Variants in FHIT observed in about 807,000 individuals in gnomAD.
The protein encoded by FHIT is fragile histidine triad diadenosine triphosphatase.
FHIT carries 19 observed loss-of-function variants against 17.9 expected under a neutral mutation model. That is an observed-to-expected ratio of 1.06 (90% CI 0.74 to 1.56). The LOEUF is 1.56. Among genes scored for constraint, FHIT ranks in the 40% most tolerant of loss-of-function variants. FHIT has a pLI of 0.00. For missense variants in FHIT, 248 were observed against 189.2 expected (o/e 1.31, Z -1.82); for synonymous variants, 81 against 69.7 (o/e 1.16, Z -0.81).
At position 60,870,358 on chromosome 3, in the gene FHIT, AC is replaced by A. The variant is rs564215591; in HGVS notation, c.-110-48348del. 7.9e-5 allele frequency among the ~76,000 whole-genome samples: 12 copies of A among 152,278 alleles called. No homozygotes were observed. The South Asian group carries it at 2.5e-3, about 32-fold the overall frequency. On this transcript the variant is annotated intron_variant, in intron 3 of 9. Coordinates refer to ENST00000492590, the MANE Select transcript of FHIT (RefSeq NM_002012.4). ...AAAGTGGTCAGTTGTAGAAAAATAT[AC>A]AAAGAAAAGCTACAAAGAGATGTTG...
chr3:61,103,001 C>T (rs992594981), intron 2 of FHIT, among the ~76,000 whole-genome samples: 1 of 152,104 alleles, frequency 6.6e-6, no homozygotes, highest in Non-Finnish European at 1.5e-5. Context: ...TTTCAAAAAA[C>T]CAGCTCCTGG....
chr3:60,580,626 T>A (rs540688925), intron 4 of FHIT, among the ~76,000 whole-genome samples: 3 of 152,018 alleles, frequency 2.0e-5, no homozygotes, highest in Non-Finnish European at 4.4e-5. Flanking sequence ...GAAGGCAATA[T>A]AAAATAATGT....
At chr3:61,149,399 G>C (rs1187188636) in intron 2 of FHIT, among the ~76,000 whole-genome samples, 1 of 151,494 alleles carries the variant, frequency 6.6e-6, no homozygotes, top group Non-Finnish European at 1.5e-5. Context: ...TTAAATAAAA[G>C]TAATAAATAA....
chr3:59,760,570 A>G (rs1284927849), intron 8 of FHIT, among the ~76,000 whole-genome samples: 4 of 151,106 alleles, frequency 2.6e-5, no homozygotes, highest in Admixed American at 1.3e-4. Context: ...AAAAAAAAAA[A>G]AAAAATCACT....
chr3:60,423,535 T>C (rs1240617891), intron 5 of FHIT, among the ~76,000 whole-genome samples: 1 of 152,168 alleles, frequency 6.6e-6, no homozygotes, highest in Non-Finnish European at 1.5e-5. Context: ...ATAGAGATGA[T>C]GTGTTTAAAG....
At chr3:60,640,950 C>T (rs569860206) in intron 4 of FHIT, among the ~76,000 whole-genome samples, 7 of 152,230 alleles carry the variant, frequency 4.6e-5, no homozygotes, top group African/African-American at 1.4e-4. Flanking sequence ...GTGGCTGAGG[C>T]AGGAGGATCA....
At chr3:59,941,330 C>A (rs950631022) in intron 7 of FHIT, among the ~76,000 whole-genome samples, 1 of 152,144 alleles carries the variant, frequency 6.6e-6, no homozygotes, top group Non-Finnish European at 1.5e-5. Flanking sequence ...CAATGCAGGT[C>A]CAGCCAAAGT....
intron 2 of FHIT, among the ~76,000 whole-genome samples, chr3:61,171,446 T>G (rs78942049): frequency 0.077 from 11,705 of 152,278 alleles, 1,188 homozygotes; most frequent in East Asian, 0.43. Flanking sequence ...AGAAGCTCTT[T>G]CATTATCTCT....
At chr3:61,186,134 G>T (rs2038501382) in intron 2 of FHIT, among the ~76,000 whole-genome samples, 1 of 152,156 alleles carries the variant, frequency 6.6e-6, no homozygotes, top group African/African-American at 2.4e-5. Context: ...CCTGTAGCGG[G>T]TATAAGTACT....
intron 4 of FHIT, among the ~76,000 whole-genome samples, chr3:60,710,323 T>C (rs1203500935): frequency 6.6e-6 from 1 of 152,236 alleles, no homozygotes; most frequent in Non-Finnish European, 1.5e-5. Context: ...AGCTCCGGTC[T>C]ACAGCTCCCA....
intron 5 of FHIT, among the ~76,000 whole-genome samples, chr3:60,100,866 T>G (rs1402200907): frequency 2.6e-5 from 4 of 152,218 alleles, no homozygotes; most frequent in African/African-American, 9.6e-5. Flanking sequence ...GTTCTCTTGT[T>G]ACTGCATGTG....
rs993575153 is a variant in FHIT, at chr3:61,033,043, G to C, written c.-111+9004C>G. Among the ~76,000 whole-genome samples, 8 of 152,208 alleles carry C rather than the reference G, an allele frequency of 5.3e-5. 1 individual carries two copies. The highest frequency in any genetic ancestry group is 2.4e-5 in the African/African-American group (1 of 41,458). ...TGAATTTGCCATTTCTGCACGTTTT[G>C]TTCTATTCACGTCCTCAAGAGATTG... On this transcript the variant is annotated intron_variant, in intron 3 of 9. Transcript: ENST00000492590.
intron 5 of FHIT, among the ~76,000 whole-genome samples, chr3:60,087,938 T>C (rs1703566463): frequency 6.6e-6 from 1 of 152,174 alleles, no homozygotes; most frequent in South Asian, 2.1e-4. Flanking sequence ...TACAAAGGTG[T>C]CACTGAGGCT....
chr3:60,807,416 A>G (rs1701433253), intron 4 of FHIT, among the ~76,000 whole-genome samples: 1 of 151,842 alleles, frequency 6.6e-6, no homozygotes, highest in Non-Finnish European at 1.5e-5. Context: ...CTACAAAAAA[A>G]AAGAAAAAAA....
chr3:60,467,176 A>T (rs2032844373), intron 5 of FHIT, among the ~76,000 whole-genome samples: 1 of 151,872 alleles, frequency 6.6e-6, no homozygotes, highest in Non-Finnish European at 1.5e-5. Context: ...GTATCTTCTA[A>T]TGATCTTTGA....
intron 4 of FHIT, chr3:60,617,033 A>G (rs975040365): frequency 1.0e-5 from 2 of 200,408 alleles, no homozygotes; most frequent in South Asian, 1.0e-4. Context: ...ATAACTTACT[A>G]TGGAAGTGGA....
intron 5 of FHIT, among the ~76,000 whole-genome samples, chr3:60,397,868 C>T (rs9862806): frequency 0.26 from 39,475 of 151,994 alleles, 5,241 homozygotes; most frequent in East Asian, 0.47. Flanking sequence ...GTCTACACTG[C>T]CACGCCCACC....
rs781839175 is a variant in FHIT, at chr3:60,603,524, G to A, written c.-17-66545C>T. ...GGTATTTCTCGGTGGTGGGATTTAG[G>A]GTATTGTGTTGCTTTCTTCTGTATA... is the stretch of plus-strand genomic sequence containing the variant. On this transcript the variant is annotated intron_variant, in intron 4 of 9. Transcript: ENST00000492590. Among the ~76,000 whole-genome samples the A allele has an allele frequency of 3.6e-4, 48 of 131,566 alleles. 1 individual carries two copies. Among genetic ancestry groups the A allele is most frequent in the Admixed American group, 1.9e-3 (25 of 13,364 alleles). 86.3% of individuals were successfully genotyped at this position (131,566 alleles called of 152,430 possible).
At position 60,049,190 on chromosome 3, in the gene FHIT, A is replaced by C. The variant is rs146876854; in HGVS notation, c.104-35038T>G. ...GGGGTTTTATGCTCAACTTATTTAA[A>C]TGATATTTCACTACAAATTATGTTC... On this transcript the variant is annotated intron_variant, in intron 5 of 9. Coordinates refer to ENST00000492590, the MANE Select transcript of FHIT (RefSeq NM_002012.4). Among the ~76,000 whole-genome samples, 347 of 152,312 alleles carry C rather than the reference A, an allele frequency of 2.3e-3. 1 individual carries two copies. Among genetic ancestry groups the C allele is most frequent in the African/African-American group, 7.7e-3 (322 of 41,574 alleles).
Sources: gnomAD v4.1 joint callset for allele counts (sites outside exome capture counted in the v4.1 genomes callset) on GRCh38, gnomAD v4.1.1 for gene constraint, MANE v1.5 for transcripts, NCBI Gene and HGNC (gene_info 2026-07-23, HGNC 2026-07-21) for gene names.